EXOC6: variants seen among roughly 807,000 people sequenced by gnomAD.
The protein encoded by EXOC6 is exocyst complex component 6.
In EXOC6, 60 loss-of-function variants were observed where a neutral mutation model predicts 112.5. The observed-to-expected ratio is 0.53, with a 90% CI of 0.43 to 0.66. The LOEUF is 0.66. Ranked by LOEUF, EXOC6 falls within the 30% of genes least tolerant of loss-of-function variation. The probability of loss-of-function intolerance (pLI) is 0.00; values close to 1 mark genes in which losing one functional copy is unlikely to be tolerated. For synonymous variants in EXOC6, 295 were observed against 308.0 expected, an observed-to-expected ratio of 0.96 and a Z score of 0.44; for missense variants, 855 against 957.1, an observed-to-expected ratio of 0.89 and a Z score of 1.41.
chr10:92,875,773 A>C (rs1471883891), intron 1 of EXOC6, among the ~76,000 whole-genome samples: 5 of 152,160 alleles, frequency 3.3e-5, no homozygotes, highest in Admixed American at 6.5e-5. Context: ...TTTATTGAGC[A>C]AAGTTATGTT....
At chr10:92,842,798 A>C (rs908220399) in intron 1 of EXOC6, among the ~76,000 whole-genome samples, 7 of 152,104 alleles carry the variant, frequency 4.6e-5, no homozygotes, top group African/African-American at 1.7e-4. Flanking sequence ...GTGGACTTTA[A>C]AATGTTTAGT....
intron 20 of EXOC6, among the ~76,000 whole-genome samples, chr10:93,044,293 T>C (rs1845911292): frequency 6.6e-6 from 1 of 152,214 alleles, no homozygotes; most frequent in South Asian, 2.1e-4. Flanking sequence ...TAGGGGTTAA[T>C]ATATTATCTA....
chr10:93,002,439 G>A (rs751855800), intron 19 of EXOC6, among the ~76,000 whole-genome samples: 1 of 152,150 alleles, frequency 6.6e-6, no homozygotes. Flanking sequence ...CAAATGAGCA[G>A]CAATAGCATC....
chr10:92,855,842 AT>A (rs1269833146), intron 1 of EXOC6, among the ~76,000 whole-genome samples: 1 of 150,504 alleles, frequency 6.6e-6, no homozygotes, highest in Non-Finnish European at 1.5e-5. Context: ...TCTCTGTTTT[AT>A]TGATTTTTTT....
intron 19 of EXOC6, among the ~76,000 whole-genome samples, chr10:93,009,217 A>T (rs117567999): frequency 6.6e-6 from 1 of 152,148 alleles, no homozygotes; most frequent in South Asian, 2.1e-4. Context: ...CGCAAAAAAA[A>T]TTAACTAAAA....
At chr10:92,876,439 A>G (rs755636532) in intron 1 of EXOC6, among the ~76,000 whole-genome samples, 2 of 152,222 alleles carry the variant, frequency 1.3e-5, no homozygotes, top group Non-Finnish European at 2.9e-5. Flanking sequence ...TGCCCCCTGC[A>G]CTCAGTAATT....
intron 19 of EXOC6, among the ~76,000 whole-genome samples, chr10:93,004,103 A>G (rs2134201663): frequency 6.6e-6 from 1 of 152,342 alleles, no homozygotes; most frequent in South Asian, 2.1e-4. Flanking sequence ...GAACTTTTCC[A>G]TGTGAAATAC....
At chr10:92,921,601 A>T (rs1048399312) in intron 8 of EXOC6, among the ~76,000 whole-genome samples, 9 of 150,424 alleles carry the variant, frequency 6.0e-5, no homozygotes, top group Non-Finnish European at 1.2e-4. Flanking sequence ...CTTTAAAACA[A>T]TTCAGTTAGA....
intron 17 of EXOC6, among the ~76,000 whole-genome samples, chr10:92,961,873 C>T (rs1339229984): frequency 6.6e-6 from 1 of 152,026 alleles, no homozygotes; most frequent in Non-Finnish European, 1.5e-5. Flanking sequence ...TAAGGAGTGG[C>T]AGATGCTACC....
intron 18 of EXOC6, among the ~76,000 whole-genome samples, chr10:92,983,106 TC>T (rs1842883279): frequency 6.6e-6 from 1 of 152,248 alleles, no homozygotes; most frequent in Admixed American, 6.5e-5. Flanking sequence ...GCTTGATTCT[TC>T]CAATTAACCG....
intron 13 of EXOC6, among the ~76,000 whole-genome samples, chr10:92,944,641 A>G (rs1384777818): frequency 1.3e-5 from 2 of 152,128 alleles, no homozygotes; most frequent in Admixed American, 6.6e-5. Context: ...CCTGTTTTCC[A>G]TAATGGATAT....
At chr10:92,933,957 C>A (rs776603723) in intron 9 of EXOC6, among the ~76,000 whole-genome samples, 187 bp from the exon 10 acceptor site, 1 of 151,980 alleles carries the variant, frequency 6.6e-6, no homozygotes. Context: ...TATCTCCTTT[C>A]GAATGTACGT....
chr10:92,855,563 C>T (rs1262382241), intron 1 of EXOC6, among the ~76,000 whole-genome samples: 1 of 152,118 alleles, frequency 6.6e-6, no homozygotes, highest in Non-Finnish European at 1.5e-5. Context: ...TTTTCGATTA[C>T]TGATTCCATT....
At chr10:92,848,471 T>C (rs1305216758), upstream of EXOC6, 6 of 1,092,906 alleles carry the variant, frequency 5.5e-6, no homozygotes, top group Admixed American at 9.3e-5. Context: ...TCGCGCCACT[T>C]GGAGCTCGCC....
At chr10:92,863,687 C>T (rs954222593) in intron 1 of EXOC6, among the ~76,000 whole-genome samples, 9 of 151,752 alleles carry the variant, frequency 5.9e-5, no homozygotes, top group South Asian at 2.1e-4. Context: ...CCGAGGCAGG[C>T]GGATCACAAG....
chr10:92,875,470 T>A (rs1848642840), intron 1 of EXOC6, among the ~76,000 whole-genome samples: 1 of 152,224 alleles, frequency 6.6e-6, no homozygotes, highest in Non-Finnish European at 1.5e-5. Context: ...TGTGTATGAA[T>A]AAGTATGTTT....
At chr10:92,966,238 A>G (rs547170993) in intron 17 of EXOC6, among the ~76,000 whole-genome samples, 1 of 150,796 alleles carries the variant, frequency 6.6e-6, no homozygotes, top group African/African-American at 2.4e-5. Flanking sequence ...GTGTTTTCTG[A>G]ACCACTTTTT....
chr10:93,056,853 T>C (rs1176102206), intron 20 of EXOC6, 71 bp from the exon 21 acceptor site: 1 of 813,914 alleles, frequency 1.2e-6, no homozygotes, highest in Non-Finnish European at 2.1e-6. Flanking sequence ...GGACCAAGGA[T>C]AGCATATAAT....
At chr10:92,979,621 A>T (rs1842757396) in intron 18 of EXOC6, among the ~76,000 whole-genome samples, 1 of 152,166 alleles carries the variant, frequency 6.6e-6, no homozygotes, top group Non-Finnish European at 1.5e-5. Flanking sequence ...CCAAGGTTAG[A>T]TGAGTGAGAG....
Sources: allele counts gnomAD v4.1 joint callset (sites outside exome capture counted in the v4.1 genomes callset), GRCh38; gene constraint gnomAD v4.1.1; transcripts MANE v1.5; gene names NCBI Gene and HGNC (gene_info 2026-07-23, HGNC 2026-07-21).